Variants in AKR1A1 observed in about 807,000 individuals in gnomAD.
AKR1A1 encodes HEL-S-165mP.
AKR1A1 carries 26 observed loss-of-function variants against 39.2 expected under a neutral mutation model. The ratio of observed to expected loss-of-function variants is 0.66; its 90% CI spans 0.49 to 0.92. The LOEUF is 0.92. AKR1A1 is among the 40% of genes least tolerant of loss of function. AKR1A1 has a pLI of 0.00. For synonymous variants in AKR1A1, 141 were observed against 155.5 expected (o/e 0.91, Z 0.69); for missense variants, 378 against 406.5 (o/e 0.93, Z 0.60).
rs972694994 is a variant in AKR1A1, at chr1:45,561,895, G to GA, written c.84+23dup. ...CCTGGTCAGGTGAGGGATGGGGGAAGAAAAAAGAAACTTGTTGAGCCTCTG... is the reference window on the plus strand; with the variant it reads ...CCTGGTCAGGTGAGGGATGGGGGAAGAAAAAAAGAAACTTGTTGAGCCTCTG... On this transcript the variant is annotated intron_variant, in intron 2 of 8. Coordinates refer to ENST00000351829, the MANE Select transcript of AKR1A1 (RefSeq NM_153326.3). The GA allele has an allele frequency of 2.5e-6, 4 of 1,612,574 alleles. No individual in the cohort carries two copies. Among genetic ancestry groups the GA allele is most frequent in the East Asian group, 4.5e-5 (2 of 44,876 alleles).
At chr1:45,568,863 G>A in intron 6 of AKR1A1, 64 bp from the exon 7 acceptor site, 1 of 1,577,632 alleles carries the variant, frequency 6.3e-7, no homozygotes, top group Non-Finnish European at 8.7e-7. Context: ...AAGCTGCATG[G>A]GGAACAAAAT....
chr1:45,560,477 G>GC (rs1644263272), intron 1 of AKR1A1, among the ~76,000 whole-genome samples: 2 of 152,156 alleles, frequency 1.3e-5, no homozygotes, highest in African/African-American at 4.8e-5. Flanking sequence ...AGGTGTGCTG[G>GC]CACAGGCCTG....
chr1:45,558,854 A>G (rs2991975), intron 1 of AKR1A1, among the ~76,000 whole-genome samples: 75,446 of 151,838 alleles, frequency 0.5, 18,884 homozygotes, highest in East Asian at 0.62. Context: ...TACTTGCTCT[A>G]TCCTACATCC....
In AKR1A1 at chr1:45,559,864, G is replaced by C. The variant is rs181572177; in HGVS notation, c.-6-1925G>C. ...GGTTTCGCTATGTTGACCAGGGCTG[G>C]TCTCGATCTCTTGACCTTGTGATCC... On this transcript the variant is annotated intron_variant, in intron 1 of 8. Coordinates refer to ENST00000351829, the MANE Select transcript of AKR1A1 (RefSeq NM_153326.3). 1.5e-4 allele frequency among the ~76,000 whole-genome samples: 23 copies of C among 151,830 alleles called. No homozygotes were observed. The East Asian group carries it at 4.5e-3, about 29-fold the overall frequency.
intron 1 of AKR1A1, among the ~76,000 whole-genome samples, chr1:45,552,168 T>A (rs1317553506): frequency 1.3e-5 from 2 of 151,898 alleles, no homozygotes; most frequent in Non-Finnish European, 2.9e-5. Flanking sequence ...GCCATCCATT[T>A]ATTTATTTAT....
chr1:45,569,804 T>G, intron 8 of AKR1A1, 87 bp from the exon 9 acceptor site: 2 of 1,197,672 alleles, frequency 1.7e-6, no homozygotes, highest in South Asian at 1.2e-5. Flanking sequence ...ACAGGTGAGT[T>G]TGTTTAGGAA....
intron 1 of AKR1A1, among the ~76,000 whole-genome samples, chr1:45,552,097 G>A (rs1012480645): frequency 6.6e-6 from 1 of 151,964 alleles, no homozygotes; most frequent in Non-Finnish European, 1.5e-5. Context: ...GTTTGTGGGG[G>A]AAATTTATAT....
chr1:45,558,324 G>T (rs1034798383), intron 1 of AKR1A1, among the ~76,000 whole-genome samples: 1 of 151,882 alleles, frequency 6.6e-6, no homozygotes, highest in African/African-American at 2.4e-5. Context: ...CGCCTCCCGG[G>T]TTCAGGTGAT....
At position 45,569,164 on chromosome 1, in the gene AKR1A1, C is replaced by T; in HGVS notation, c.847C>T (p.Pro283Ser). The change falls in exon 8 of 9, where the codon CCA (proline) becomes TCA (serine). Residue 283 changes from proline to serine, a missense_variant. Physicochemically the swap from Pro to Ser is moderately conservative, Grantham distance 74. Coordinates refer to ENST00000351829, the MANE Select transcript of AKR1A1 (RefSeq NM_153326.3). ...NIKVFDFTFS[P>S]EEMKQLNALN... is the part of the protein sequence containing the mutation. ...TCAGGTGTTTGACTTCACCTTTAGC[C>T]CAGAAGAGATGAAGCAGCTAAATGC... 1 of 1,614,042 alleles carries T rather than the reference C, an allele frequency of 6.2e-7. No homozygotes were observed. Among genetic ancestry groups the T allele is most frequent in the Non-Finnish European group, 8.5e-7 (1 of 1,179,976 alleles).
intron 2 of AKR1A1, 132 bp downstream of exon 2, chr1:45,562,010 A>C: frequency 7.2e-6 from 6 of 832,340 alleles, no homozygotes; most frequent in Non-Finnish European, 9.4e-6. Context: ...CCAATTATAC[A>C]TCCTGGGCTT....
rs769742953 is a variant in AKR1A1 at position 45,568,683 on chromosome 1, AG to A, written c.752+1del. 6.2e-7 allele frequency: 1 copy of A among 1,613,218 alleles called. No individual in the cohort carries two copies. The highest frequency in any genetic ancestry group is 1.3e-5 in the African/African-American group (1 of 74,884). On this transcript the variant is annotated frameshift_variant and splice_region_variant, in exon 6 of 9. Coordinates refer to ENST00000351829, the MANE Select transcript of AKR1A1 (RefSeq NM_153326.3). LOFTEE classifies it high-confidence loss of function. Reference protein sequence around the residue: ...YGRSPAQILLRWQVQRKVICI... With the variant: ...YGRSPAQILLXWQVQRKVICI... ...CCGATCTCCAGCTCAGATCTTGCTCAGGTATGGGGCAGTCTTAGGGAGAGGG... is the reference window on the plus strand; with the variant it reads ...CCGATCTCCAGCTCAGATCTTGCTCAGTATGGGGCAGTCTTAGGGAGAGGG...
intron 8 of AKR1A1, 40 bp from the exon 9 acceptor site, chr1:45,569,851 A>T (rs1411006745): frequency 6.3e-7 from 1 of 1,588,172 alleles, no homozygotes; most frequent in Non-Finnish European, 8.6e-7. Flanking sequence ...TGGAATGGCA[A>T]CTCCTGCTGA....
Position 45,568,168 on chromosome 1 carries a change from T to C in AKR1A1, c.543T>C (p.Ala181=). ...DILSVASVRP[A]VLQVECHPYL... ...TCAGTGTGGCCTCCGTGCGTCCAGCTGTCTTGCAGGTAAGGACAGCAAGCA... is the reference window on the plus strand; with the variant it reads ...TCAGTGTGGCCTCCGTGCGTCCAGCCGTCTTGCAGGTAAGGACAGCAAGCA... Residue 181 remains alanine (A), a synonymous_variant, in exon 5 of 9, where the codon GCT becomes GCC. Coordinates refer to ENST00000351829, the MANE Select transcript of AKR1A1 (RefSeq NM_153326.3). The C allele has an allele frequency of 2.5e-6, 4 of 1,612,610 alleles. No individual in the cohort carries two copies. Among genetic ancestry groups the C allele is most frequent in the Non-Finnish European group, 3.4e-6 (4 of 1,179,318 alleles).
At chr1:45,568,278 A>G (rs1175135106) in intron 5 of AKR1A1, 101 bp downstream of exon 5, 30 of 1,399,164 alleles carry the variant, frequency 2.1e-5, no homozygotes, top group African/African-American at 4.3e-5. Flanking sequence ...GCAAGTTGTC[A>G]GAGTGTTGGT....
chr1:45,555,537 T>C (rs1644190803), intron 1 of AKR1A1, among the ~76,000 whole-genome samples: 1 of 152,166 alleles, frequency 6.6e-6, no homozygotes, highest in Non-Finnish European at 1.5e-5. Context: ...AGCATTTATA[T>C]TGTATTAGGA....
rs764530513 is a variant in AKR1A1 at position 45,568,477 on chromosome 1, T to G, written c.553-8T>G. On this transcript the variant is annotated splice_polypyrimidine_tract_variant and splice_region_variant and intron_variant, in intron 5 of 8. Transcript: ENST00000351829. ...CACTTCATGGTGATGGGTTATTCTT[T>G]GGCTCAGGTGGAATGCCACCCATAC... 6.2e-7 allele frequency: 1 copy of G among 1,613,468 alleles called. No homozygotes were observed. The highest frequency in any genetic ancestry group is 8.5e-7 in the Non-Finnish European group (1 of 1,180,008).
At chr1:45,556,213 A>G (rs1361985609) in intron 1 of AKR1A1, among the ~76,000 whole-genome samples, 1 of 152,214 alleles carries the variant, frequency 6.6e-6, no homozygotes, top group Non-Finnish European at 1.5e-5. Flanking sequence ...TTGAATTGGA[A>G]ATAATAAAAC....
At chr1:45,553,589 T>C (rs2148288577) in intron 1 of AKR1A1, among the ~76,000 whole-genome samples, 1 of 152,320 alleles carries the variant, frequency 6.6e-6, no homozygotes. Flanking sequence ...TATTAGAGCA[T>C]TCTCTTTTTC....
intron 4 of AKR1A1, chr1:45,567,586 G>A (rs2148304674): frequency 6.2e-6 from 1 of 160,770 alleles, no homozygotes; most frequent in Non-Finnish European, 1.4e-5. Context: ...CCAGCACTTT[G>A]GGAGGCTAAG....
Sources: allele counts gnomAD v4.1 joint callset (sites outside exome capture counted in the v4.1 genomes callset), GRCh38; gene constraint gnomAD v4.1.1; transcripts MANE v1.5; gene names NCBI Gene and HGNC (gene_info 2026-07-23, HGNC 2026-07-21).